LVRN: variants seen among roughly 807,000 people sequenced by gnomAD.
LVRN encodes laeverin.
LVRN carries 99 observed loss-of-function variants against 111.4 expected under a neutral mutation model. The ratio of observed to expected loss-of-function variants is 0.89; its 90% CI spans 0.76 to 1.05. The LOEUF is 1.05. Among genes scored for constraint, LVRN ranks in the 50% least tolerant of loss-of-function variants. LVRN has a pLI of 0.00. For missense variants in LVRN, 1,414 were observed against 1,206.8 expected, an observed-to-expected ratio of 1.17 and a Z score of -2.54; for synonymous variants, 488 against 449.5, an observed-to-expected ratio of 1.09 and a Z score of -1.08.
chr5:116,026,172 A>C lies in LVRN; in HGVS notation c.*54A>C. On this transcript the variant is annotated 3_prime_UTR_variant, in exon 20 of 20. Coordinates refer to ENST00000357872, the MANE Select transcript of LVRN (RefSeq NM_173800.5). ...GCATATTATAATGTAGTTTGTTCAC[A>C]GTTTTGTCTTCCAATACTTTGTGAG... is the stretch of plus-strand genomic sequence containing the variant. 1.2e-6 allele frequency: 2 copies of C among 1,607,536 alleles called. No individual in the cohort carries two copies. Among genetic ancestry groups the C allele is most frequent in the Non-Finnish European group, 1.7e-6 (2 of 1,177,108 alleles).
At position 116,026,446 on chromosome 5, in the gene LVRN, TA is replaced by T; in HGVS notation, c.*333del. ...TTTTGTTGCGAAGGCCAGTGGAATA[TA>T]AAAATCAATGGCATTAATGAGGAGC... On this transcript the variant is annotated 3_prime_UTR_variant, in exon 20 of 20. Transcript: ENST00000357872. The T allele has an allele frequency of 2.9e-6, 1 of 343,676 alleles. No individual in the cohort carries two copies. The highest frequency in any genetic ancestry group is 5.5e-6 in the Non-Finnish European group (1 of 182,586). 21.3% of individuals were successfully genotyped at this position (343,676 alleles called of 1,614,324 possible).
intron 1 of LVRN, among the ~76,000 whole-genome samples, chr5:115,965,445 G>A (rs1468711514): frequency 6.6e-6 from 1 of 152,186 alleles, no homozygotes; most frequent in Non-Finnish European, 1.5e-5. Context: ...TATGTTATGT[G>A]TATTTTACTA....
intron 11 of LVRN, 29 bp downstream of exon 11, chr5:116,002,940 A>T (rs1561564556): frequency 6.8e-7 from 1 of 1,470,552 alleles, no homozygotes; most frequent in East Asian, 2.3e-5. Context: ...AAACATCTTT[A>T]TATATATGCA....
At chr5:115,980,771 GC>G (rs1298457010) in intron 1 of LVRN, among the ~76,000 whole-genome samples, 3 of 151,934 alleles carry the variant, frequency 2.0e-5, no homozygotes, top group Non-Finnish European at 4.4e-5. Context: ...AAATACATGA[GC>G]ATGTATTTTT....
intron 12 of LVRN, among the ~76,000 whole-genome samples, chr5:116,003,929 T>C (rs550167663): frequency 9.5e-4 from 144 of 152,316 alleles, no homozygotes; most frequent in African/African-American, 3.4e-3. Context: ...AAACAACCTT[T>C]CCAGGTAAGA....
At chr5:115,999,952 G>C (rs763583608) in intron 7 of LVRN, 50 bp downstream of exon 7, 1 of 1,550,926 alleles carries the variant, frequency 6.4e-7, no homozygotes, top group African/African-American at 1.4e-5. Flanking sequence ...GTAGAAAGTT[G>C]CATAAAATGG....
At chr5:115,984,807 A>G in intron 3 of LVRN, 98 bp downstream of exon 3, 2 of 1,484,154 alleles carry the variant, frequency 1.3e-6, no homozygotes, top group East Asian at 4.7e-5. Flanking sequence ...CATATCCCCA[A>G]ATCGCTTCCT....
At chr5:116,003,431 C>A in intron 12 of LVRN, 51 bp downstream of exon 12, 1 of 1,192,242 alleles carries the variant, frequency 8.4e-7, no homozygotes, top group Non-Finnish European at 1.1e-6. Flanking sequence ...AATGCCTTCT[C>A]TAGTGTTTTA....
Position 115,999,912 on chromosome 5 carries a change from G to T in LVRN, c.1515+10G>T. ...ATTTACTTACAGCAAGGTAAAAGCA[G>T]TTAGAAATTTCCTTTGGTTTTGTAC... On this transcript the variant is annotated intron_variant, in intron 7 of 19. Coordinates refer to ENST00000357872, the MANE Select transcript of LVRN (RefSeq NM_173800.5). 1 of 1,600,060 alleles carries T rather than the reference G, an allele frequency of 6.2e-7. No homozygotes were observed. Among genetic ancestry groups the T allele is most frequent in the Non-Finnish European group, 8.5e-7 (1 of 1,175,664 alleles).
intron 1 of LVRN, 79 bp downstream of exon 1, chr5:115,963,391 C>A: frequency 8.3e-7 from 1 of 1,208,298 alleles, no homozygotes; most frequent in Non-Finnish European, 1.1e-6. Flanking sequence ...AGCTGACTAC[C>A]GTGTCCAGGT....
chr5:116,022,955 T>C (rs1394090818), intron 19 of LVRN, among the ~76,000 whole-genome samples: 1 of 152,234 alleles, frequency 6.6e-6, no homozygotes, highest in Non-Finnish European at 1.5e-5. Flanking sequence ...TTCCTCTAGT[T>C]ATACTGTACC....
At chr5:115,989,301 C>G (rs773156151) in intron 4 of LVRN, among the ~76,000 whole-genome samples, 13 of 152,160 alleles carry the variant, frequency 8.5e-5, no homozygotes, top group Non-Finnish European at 1.8e-4. Context: ...GAAGGATGCT[C>G]TAGCACTGTC....
At chr5:116,006,925 T>C (rs1307135250) in intron 13 of LVRN, among the ~76,000 whole-genome samples, 1 of 152,236 alleles carries the variant, frequency 6.6e-6, no homozygotes, top group African/African-American at 2.4e-5. Context: ...AATTTTTCCC[T>C]GCATGTCAAA....
chr5:116,022,139 A>G (rs1486724780), intron 18 of LVRN: 2 of 324,180 alleles, frequency 6.2e-6, no homozygotes, highest in East Asian at 6.5e-5. Flanking sequence ...TTTAAAAGAC[A>G]ATTGTTTTTA....
chr5:115,977,080 G>T (rs1992705), intron 1 of LVRN, among the ~76,000 whole-genome samples: 121,954 of 152,128 alleles, frequency 0.8, 49,105 homozygotes, highest in African/African-American at 0.85. Context: ...AGTGTTCAGC[G>T]TACCCTTCCC....
intron 1 of LVRN, among the ~76,000 whole-genome samples, chr5:115,982,704 G>T (rs139350110): frequency 6.6e-6 from 1 of 152,082 alleles, no homozygotes; most frequent in African/African-American, 2.4e-5. Flanking sequence ...TTGCCATGGA[G>T]ATGGAGGAAG....
At chr5:115,997,825 A>T (rs1172612639) in intron 6 of LVRN, among the ~76,000 whole-genome samples, 5 of 152,162 alleles carry the variant, frequency 3.3e-5, no homozygotes, top group Non-Finnish European at 5.9e-5. Context: ...TTTCCCTGCA[A>T]TAGAACTGAA....
At position 116,005,931 on chromosome 5, in the gene LVRN, G is replaced by C. The variant is rs773054609; in HGVS notation, c.2057G>C (p.Arg686Thr). The C allele has an allele frequency of 6.9e-6, 11 of 1,598,204 alleles. No individual in the cohort carries two copies. Among genetic ancestry groups the C allele is most frequent in the Non-Finnish European group, 9.4e-6 (11 of 1,165,688 alleles). Residue 686 changes from arginine (R) to threonine (T), a missense_variant, in exon 13 of 20, where the codon AGA becomes ACA. Coordinates refer to ENST00000357872, the MANE Select transcript of LVRN (RefSeq NM_173800.5). ...KDPKAIPVIH[R>T]LQLIDDAFSL... ...CTGCAGGCGATTCCTGTTATTCACA[G>C]ACTGCAGTTGATTGATGATGCCTTT...
At chr5:115,978,830 G>A (rs1426559816) in intron 1 of LVRN, among the ~76,000 whole-genome samples, 1 of 152,078 alleles carries the variant, frequency 6.6e-6, no homozygotes, top group Non-Finnish European at 1.5e-5. Flanking sequence ...GGGGTGACAG[G>A]GAGAGGTGAC....
Sources: gnomAD v4.1 joint callset for allele counts (sites outside exome capture counted in the v4.1 genomes callset) on GRCh38, gnomAD v4.1.1 for gene constraint, MANE v1.5 for transcripts, NCBI Gene and HGNC (gene_info 2026-07-23, HGNC 2026-07-21) for gene names.